Variants in RABGAP1L observed in about 807,000 individuals in gnomAD.
RABGAP1L encodes the protein rab GTPase-activating protein 1-like.
Under a neutral mutation model 137.7 loss-of-function variants are expected in RABGAP1L, and 63 were observed. The ratio of observed to expected loss-of-function variants is 0.46; its 90% CI spans 0.37 to 0.56. The LOEUF is 0.56. Among genes scored for constraint, RABGAP1L ranks in the 20% least tolerant of loss-of-function variants. RABGAP1L has a pLI of 0.00. For synonymous variants in RABGAP1L, 431 were observed against 433.7 expected (o/e 0.99, Z 0.08); for missense variants, 1,095 against 1,244.0 (o/e 0.88, Z 1.80).
chr1:174,427,144 ATGTGTGTGTGTGTGTGTGTGTGTGTGTG>A (rs57986877), intron 13 of RABGAP1L, among the ~76,000 whole-genome samples: 1 of 144,570 alleles, frequency 6.9e-6, no homozygotes, highest in African/African-American at 2.6e-5. Context: ...CCGCATGTTT[ATGTGTGTGTGTGTGTGTGTGTGTGTGTG>A]TGTGTGTGTG....
chr1:174,240,688 C>T (rs940843047), intron 4 of RABGAP1L, among the ~76,000 whole-genome samples: 8 of 152,194 alleles, frequency 5.3e-5, no homozygotes, highest in Admixed American at 3.9e-4. Context: ...CTCAGTTGAA[C>T]AATGAATTAG....
chr1:174,402,587 A>G (rs1191756485), intron 13 of RABGAP1L, among the ~76,000 whole-genome samples: 1 of 152,180 alleles, frequency 6.6e-6, no homozygotes, highest in Non-Finnish European at 1.5e-5. Context: ...GTTGTAGGGT[A>G]CTACTGCTGC....
intron 13 of RABGAP1L, among the ~76,000 whole-genome samples, chr1:174,555,781 G>A (rs1666838860): frequency 6.6e-6 from 1 of 152,070 alleles, no homozygotes; most frequent in Admixed American, 6.6e-5. Context: ...CTACATTATG[G>A]TAGAGAACCG....
intron 11 of RABGAP1L, among the ~76,000 whole-genome samples, chr1:174,345,489 A>G (rs1682352016): frequency 6.6e-6 from 1 of 152,078 alleles, no homozygotes; most frequent in African/African-American, 2.4e-5. Context: ...AGTTTTCATT[A>G]TAGAGGTCTT....
chr1:174,534,802 A>AAAAAAAAAAAAAAAAAT (rs1553324953), intron 13 of RABGAP1L, among the ~76,000 whole-genome samples: 7 of 137,310 alleles, frequency 5.1e-5, no homozygotes, highest in East Asian at 4.2e-4. Flanking sequence ...AAAAAAAAAA[A>AAAAAAAAAAAAAAAAAT]AATAATTAGA....
intron 19 of RABGAP1L, among the ~76,000 whole-genome samples, chr1:174,871,810 C>G (rs1023310323): frequency 2.6e-5 from 4 of 152,118 alleles, no homozygotes; most frequent in Admixed American, 2.6e-4. Flanking sequence ...GCACTCTGCT[C>G]AAAATGAGAC....
intron 19 of RABGAP1L, among the ~76,000 whole-genome samples, chr1:174,812,673 A>G (rs1689988988): frequency 6.6e-6 from 1 of 152,212 alleles, no homozygotes. Flanking sequence ...GGAAACAGAC[A>G]ATAAGCAACA....
chr1:174,278,610 C>A lies in RABGAP1L; in HGVS notation c.1157-3C>A. On this transcript the variant is annotated splice_region_variant and splice_polypyrimidine_tract_variant and intron_variant, in intron 9 of 25. Transcript: ENST00000681986. ...CATAAAACCCAGAAAATTTCTACTA[C>A]AGATAAGCAAGTATACATGACTGTG... 6.2e-7 allele frequency: 1 copy of A among 1,600,912 alleles called. No individual in the cohort carries two copies. Among genetic ancestry groups the A allele is most frequent in the Non-Finnish European group, 8.5e-7 (1 of 1,175,920 alleles).
chr1:174,428,450 C>G (rs1366971047), intron 13 of RABGAP1L, among the ~76,000 whole-genome samples: 2 of 152,182 alleles, frequency 1.3e-5, no homozygotes, highest in African/African-American at 4.8e-5. Context: ...TTTATTCTCT[C>G]TAACCCTTTA....
chr1:174,958,033 A>G (rs1344855066), intron 20 of RABGAP1L: 2 of 1,532,688 alleles, frequency 1.3e-6, no homozygotes, highest in East Asian at 4.7e-5. Context: ...GTACTGTTTT[A>G]GCTGTGCATG....
intron 3 of RABGAP1L, among the ~76,000 whole-genome samples, chr1:174,225,025 ATTGTT>A (rs1267882402): frequency 2.6e-5 from 4 of 151,842 alleles, no homozygotes; most frequent in African/African-American, 9.7e-5. Flanking sequence ...TTTCTTGGTA[ATTGTT>A]TTGTTTCTAC....
intron 13 of RABGAP1L, among the ~76,000 whole-genome samples, chr1:174,534,657 C>G (rs1329415044): frequency 6.6e-6 from 1 of 151,180 alleles, no homozygotes; most frequent in Admixed American, 6.6e-5. Context: ...TACCTATAAT[C>G]GCATCTACTC....
chr1:174,597,791 A>G (rs377687743), intron 13 of RABGAP1L, among the ~76,000 whole-genome samples: 1 of 152,290 alleles, frequency 6.6e-6, no homozygotes. Context: ...ACTTACTGGT[A>G]TAAACTTTGC....
chr1:174,992,748 ATTG>A lies in RABGAP1L; in HGVS notation c.*2751_*2753del, dbSNP rs1406417317. On this transcript the variant is annotated 3_prime_UTR_variant, in exon 26 of 26. Coordinates refer to ENST00000681986, the MANE Select transcript of RABGAP1L (RefSeq NM_001366446.1). ...CCAAACAATATGTCCTTCACTGTCT[ATTG>A]TTGGAAAACTCATGCATCCCAGCAT... 11 of 152,202 alleles carry A rather than the reference ATTG, an allele frequency of 7.2e-5. No individual in the cohort carries two copies. The highest frequency in any genetic ancestry group is 2.7e-4 in the African/African-American group (11 of 41,452). The allele number at this position is 152,202 out of a possible 1,614,324, so 9.4% of individuals were successfully genotyped here.
chr1:174,302,910 A>C (rs1677854102), intron 10 of RABGAP1L, among the ~76,000 whole-genome samples: 1 of 152,224 alleles, frequency 6.6e-6, no homozygotes, highest in Non-Finnish European at 1.5e-5. Flanking sequence ...AAATCAAAGT[A>C]TGATCAGTCA....
At chr1:174,567,566 T>C (rs1667670185) in intron 13 of RABGAP1L, among the ~76,000 whole-genome samples, 2 of 152,150 alleles carry the variant, frequency 1.3e-5, no homozygotes, top group South Asian at 4.1e-4. Flanking sequence ...CTTAGCAGTT[T>C]TAAATGAGGA....
At chr1:174,200,793 A>G (rs546374552) in intron 1 of RABGAP1L, among the ~76,000 whole-genome samples, 2 of 152,212 alleles carry the variant, frequency 1.3e-5, no homozygotes, top group African/African-American at 2.4e-5. Context: ...AATTTTAGCT[A>G]TGTTCTCTTG....
intron 19 of RABGAP1L, among the ~76,000 whole-genome samples, chr1:174,856,604 T>C (rs960496686): frequency 6.6e-6 from 1 of 151,952 alleles, no homozygotes; most frequent in Non-Finnish European, 1.5e-5. Context: ...TACCTTTTAC[T>C]TTGCTATTTT....
chr1:174,928,988 T>G (rs1192575909), intron 19 of RABGAP1L, among the ~76,000 whole-genome samples: 1 of 152,088 alleles, frequency 6.6e-6, no homozygotes, highest in Non-Finnish European at 1.5e-5. Context: ...GGCTGTTATG[T>G]TCTCACTCAT....
Sources: allele counts gnomAD v4.1 joint callset (sites outside exome capture counted in the v4.1 genomes callset), GRCh38; gene constraint gnomAD v4.1.1; transcripts MANE v1.5; gene names NCBI Gene and HGNC (gene_info 2026-07-23, HGNC 2026-07-21).